Variants in SAMM50 observed in about 807,000 individuals in gnomAD.
The protein encoded by SAMM50 is SAMM50 sorting and assembly machinery component.
SAMM50 carries 47 observed loss-of-function variants against 66.9 expected under a neutral mutation model. The ratio of observed to expected loss-of-function variants is 0.70; its 90% confidence interval spans 0.56 to 0.90. The LOEUF is 0.90. Among genes scored for constraint, SAMM50 ranks in the 40% least tolerant of loss-of-function variants. SAMM50 has a pLI of 0.00. For synonymous variants in SAMM50, 191 were observed against 214.1 expected (o/e 0.89, Z 0.94); for missense variants, 535 against 595.3 (o/e 0.90, Z 1.05).
intron 14 of SAMM50, among the ~76,000 whole-genome samples, chr22:43,993,799 T>C (rs2050338361): frequency 6.6e-6 from 1 of 152,236 alleles, no homozygotes; most frequent in Non-Finnish European, 1.5e-5. Flanking sequence ...GGGTATCGTG[T>C]GTGTAGAAAT....
chr22:43,965,586 G>A (rs2050168811), intron 3 of SAMM50, among the ~76,000 whole-genome samples: 1 of 152,082 alleles, frequency 6.6e-6, no homozygotes, highest in Admixed American at 6.6e-5. Context: ...GGTACAGAAG[G>A]GTATTGAAAT....
At chr22:43,957,486 A>T (rs1035211172) in intron 1 of SAMM50, 8 of 207,732 alleles carry the variant, frequency 3.9e-5, no homozygotes, top group African/African-American at 1.9e-4. Context: ...GCAATGGTGC[A>T]ATCTCCACTC....
chr22:43,981,265 C>G, intron 10 of SAMM50, 126 bp from the exon 11 acceptor site: 1 of 732,986 alleles, frequency 1.4e-6, no homozygotes. Flanking sequence ...CTCCTGCGGC[C>G]CTTGCACCCC....
chr22:43,970,797 C>T (rs76180011), intron 4 of SAMM50, among the ~76,000 whole-genome samples: 2,335 of 150,798 alleles, frequency 0.015, 67 homozygotes, highest in African/African-American at 0.054. Context: ...TCTTTCTGTG[C>T]GCCTAAAGCT....
At chr22:43,965,566 A>C (rs1241112610) in intron 3 of SAMM50, among the ~76,000 whole-genome samples, 1 of 152,210 alleles carries the variant, frequency 6.6e-6, no homozygotes, top group African/African-American at 2.4e-5. Context: ...GGAAGCATAG[A>C]AAATCAAATG....
chr22:43,970,000 A>G (rs1016999538), intron 4 of SAMM50, among the ~76,000 whole-genome samples: 1 of 152,204 alleles, frequency 6.6e-6, no homozygotes, highest in Non-Finnish European at 1.5e-5. Context: ...GAGAAGGCCT[A>G]GATAAGACAA....
intron 12 of SAMM50, 48 bp downstream of exon 12, chr22:43,984,048 A>C: frequency 9.8e-6 from 15 of 1,525,360 alleles, no homozygotes; most frequent in Non-Finnish European, 1.2e-5. Context: ...CTCGCGTCTC[A>C]CTTTGGAAAC....
intron 10 of SAMM50, among the ~76,000 whole-genome samples, chr22:43,980,427 C>T (rs1008453332): frequency 4.0e-5 from 6 of 150,942 alleles, no homozygotes; most frequent in Non-Finnish European, 5.9e-5. Flanking sequence ...TTAGGATGGT[C>T]AGGGAGGGTG....
chr22:43,990,486 T>C (rs1816798202), intron 14 of SAMM50, 80 bp downstream of exon 14: 3 of 1,339,570 alleles, frequency 2.2e-6, no homozygotes, highest in Non-Finnish European at 3.2e-6. Flanking sequence ...GTTAATTTCA[T>C]TAGTGGCTTT....
In SAMM50 at chr22:43,992,425, C is replaced by T. The variant is rs542919719; in HGVS notation, c.1364+2019C>T. Among the ~76,000 whole-genome samples, 23 of 152,374 alleles carry T rather than the reference C, an allele frequency of 1.5e-4. No individual in the cohort carries two copies. In the East Asian group the frequency reaches 4.4e-3, roughly 29 times the overall value. The stretch of plus-strand genomic sequence containing the variant: ...TGCGGCTCCCTACTGATGACAGGGC[C>T]TTCAGAGATGGCGGCGGCTGCTCCC... On this transcript the variant is annotated intron_variant, in intron 14 of 14. Coordinates refer to ENST00000350028, the MANE Select transcript of SAMM50 (RefSeq NM_015380.5).
At position 43,981,448 on chromosome 22, in the gene SAMM50, A is replaced by G. The variant is rs369058216; in HGVS notation, c.994A>G (p.Ser332Gly). The G allele has an allele frequency of 1.6e-5, 26 of 1,612,176 alleles. No homozygotes were observed. In the African/African-American group the frequency reaches 2.9e-4, roughly 18 times the overall value. The change falls in exon 11 of 15, where the codon AGC becomes GGC. Residue 332 changes from serine to glycine, a missense_variant. Coordinates refer to ENST00000350028, the MANE Select transcript of SAMM50 (RefSeq NM_015380.5). ...MLVPIGDKPSSIADRFYLGGP... is the reference protein window; with the variant it reads ...MLVPIGDKPSGIADRFYLGGP... Reference sequence around the variant, plus strand: ...GGTACCCATTGGTGATAAGCCGTCAAGCATTGCTGATAGGTAAGTACTAAT... The same window carrying G: ...GGTACCCATTGGTGATAAGCCGTCAGGCATTGCTGATAGGTAAGTACTAAT...
chr22:43,985,382 C>T (rs1017242072), intron 12 of SAMM50, among the ~76,000 whole-genome samples: 10 of 151,962 alleles, frequency 6.6e-5, no homozygotes, highest in Non-Finnish European at 1.2e-4. Context: ...CCACTGGAAA[C>T]GACAGGTCTT....
chr22:43,962,549 T>A (rs1301157473), intron 1 of SAMM50, among the ~76,000 whole-genome samples: 1 of 152,200 alleles, frequency 6.6e-6, no homozygotes, highest in African/African-American at 2.4e-5. Context: ...CGAGTCCATT[T>A]TGTGAGCATA....
chr22:43,982,747 T>C (rs2050271247), intron 11 of SAMM50, among the ~76,000 whole-genome samples: 1 of 152,206 alleles, frequency 6.6e-6, no homozygotes, highest in Non-Finnish European at 1.5e-5. Flanking sequence ...GCTATTCTCC[T>C]GCCCCAGCCT....
intron 12 of SAMM50, 133 bp from the exon 13 acceptor site, chr22:43,988,978 A>G (rs1333034103): frequency 8.1e-6 from 6 of 737,788 alleles, no homozygotes; most frequent in Non-Finnish European, 1.3e-5. Context: ...TGAGAAGAAC[A>G]GCTGCTTGCA....
intron 1 of SAMM50, among the ~76,000 whole-genome samples, chr22:43,958,352 G>A (rs2050130133): frequency 6.6e-6 from 1 of 152,052 alleles, no homozygotes; most frequent in Non-Finnish European, 1.5e-5. Context: ...ATCCCCTGTG[G>A]CATCTTGAAC....
intron 1 of SAMM50, among the ~76,000 whole-genome samples, chr22:43,962,440 T>A (rs1002433473): frequency 1.3e-5 from 2 of 152,244 alleles, no homozygotes; most frequent in Non-Finnish European, 1.5e-5. Context: ...AATGTCTTCC[T>A]GGAAATATTA....
At chr22:43,980,430 G>A (rs1019457713) in intron 10 of SAMM50, among the ~76,000 whole-genome samples, 2 of 151,430 alleles carry the variant, frequency 1.3e-5, no homozygotes, top group Admixed American at 6.6e-5. Context: ...GGATGGTCAG[G>A]GAGGGTGGCT....
chr22:43,962,881 ATTTTTTTTTTTTTTTTTTTTTT>A (rs58022542), intron 1 of SAMM50, among the ~76,000 whole-genome samples: 1 of 65,508 alleles, frequency 1.5e-5, no homozygotes, highest in Non-Finnish European at 2.7e-5. Flanking sequence ...CTTTTGGTTA[ATTTTTTTTTTTTTTTTTTTTTT>A]TTTTTTTTTT....
Sources: allele counts gnomAD v4.1 joint callset (sites outside exome capture counted in the v4.1 genomes callset), GRCh38; gene constraint gnomAD v4.1.1; transcripts MANE v1.5; gene names NCBI Gene and HGNC (gene_info 2026-07-23, HGNC 2026-07-21).